KIAA1217: variants seen among roughly 807,000 people sequenced by gnomAD.
KIAA1217 encodes sickle tail protein homolog.
A neutral mutation model predicts 163.9 loss-of-function variants in KIAA1217; 88 were observed. The ratio of observed to expected loss-of-function variants is 0.54; its 90% CI spans 0.45 to 0.64. KIAA1217 has a LOEUF of 0.64. KIAA1217 is among the 30% of genes least tolerant of loss of function. The probability of loss-of-function intolerance (pLI) is 0.00; values close to 1 mark genes in which losing one functional copy is unlikely to be tolerated. For synonymous variants in KIAA1217, 903 were observed against 923.1 expected (o/e 0.98, Z 0.39); for missense variants, 2,372 against 2,475.0 (o/e 0.96, Z 0.88).
intron 10 of KIAA1217, among the ~76,000 whole-genome samples, chr10:24,519,656 T>C (rs1442423411): frequency 6.6e-6 from 1 of 152,150 alleles, no homozygotes; most frequent in East Asian, 1.9e-4. Context: ...AGCGAAGAAT[T>C]ACACAGCCCA....
At chr10:24,123,980 C>T (rs1225894183) in intron 2 of KIAA1217, among the ~76,000 whole-genome samples, 2 of 152,064 alleles carry the variant, frequency 1.3e-5, no homozygotes, top group Non-Finnish European at 1.5e-5. Flanking sequence ...TTGCAAATAT[C>T]GACCCCCAGT....
chr10:23,816,985 G>A (rs1291678848), intron 1 of KIAA1217, among the ~76,000 whole-genome samples: 3 of 152,190 alleles, frequency 2.0e-5, no homozygotes, highest in African/African-American at 4.8e-5. Flanking sequence ...CCAAGAATTT[G>A]AAATAACAAT....
rs775040272 is a variant in KIAA1217, at chr10:24,541,038, G to A, written c.3535-1655G>A. ...CCCACCTTAGCCTCCCAAAGTTCTG[G>A]GATTACAGGCATGAGCCACTACACA... On this transcript the variant is annotated intron_variant, in intron 17 of 20. Coordinates refer to ENST00000376454, the MANE Select transcript of KIAA1217 (RefSeq NM_019590.5). Among the ~76,000 whole-genome samples, 4 of 151,798 alleles carry A rather than the reference G, an allele frequency of 2.6e-5. No individual in the cohort carries two copies. The Middle Eastern group carries it at 0.01, about 387-fold the overall frequency.
intron 2 of KIAA1217, among the ~76,000 whole-genome samples, chr10:24,092,904 AGTGTGTGTGTGTGTGTGTGTGTGTT>A (rs1417809094): frequency 4.8e-5 from 7 of 145,014 alleles, no homozygotes; most frequent in African/African-American, 1.9e-4. Flanking sequence ...GTGTATGTAT[AGTGTGTGTGTGTGTGTGTGTGTGTT>A]GTGTGTGTGT....
chr10:24,226,137 C>A (rs552514242), intron 2 of KIAA1217, among the ~76,000 whole-genome samples: 99 of 152,144 alleles, frequency 6.5e-4, no homozygotes, highest in Non-Finnish European at 6.5e-4. Flanking sequence ...AATTTCCTGT[C>A]CTCAGAGGAG....
At chr10:24,121,361 C>G (rs1234960734) in intron 2 of KIAA1217, among the ~76,000 whole-genome samples, 1 of 152,188 alleles carries the variant, frequency 6.6e-6, no homozygotes, top group African/African-American at 2.4e-5. Context: ...CCATGTCATG[C>G]TTTTCTGGGC....
In KIAA1217 at chr10:24,521,903, G is replaced by A; in HGVS notation, c.2430G>A (p.Met810Ile). The A allele has an allele frequency of 2.5e-6, 4 of 1,613,000 alleles. No individual in the cohort carries two copies. The highest frequency in any genetic ancestry group is 2.2e-5 in the East Asian group (1 of 44,870). ...GTCTCCTGAAGCGTGTGCGCAGCAT[G>A]ACAGACGTCCTGACCATGCTGCGGA... ...LDSLLKRVRS[M>I]TDVLTMLRRH... The change falls in exon 12 of 21, where the codon ATG (methionine) becomes ATA (isoleucine). Residue 810 changes from methionine (M) to isoleucine (I), a missense_variant. Around this residue, in one of 3 missense-constraint regions of KIAA1217, gnomAD observed 1,431 missense variants for 1,470.3 expected, o/e 0.97. Transcript: ENST00000376454.
At chr10:24,355,514 T>C (rs1415723615) in intron 2 of KIAA1217, among the ~76,000 whole-genome samples, 1 of 151,880 alleles carries the variant, frequency 6.6e-6, no homozygotes, top group Non-Finnish European at 1.5e-5. Flanking sequence ...AGGACACTAA[T>C]CCCATCACAA....
intron 2 of KIAA1217, among the ~76,000 whole-genome samples, chr10:24,007,930 C>T (rs76573125): frequency 5.3e-5 from 8 of 152,314 alleles, no homozygotes; most frequent in Non-Finnish European, 1.2e-4. Flanking sequence ...AATCAGCCTA[C>T]ATGAGTGGCC....
intron 1 of KIAA1217, among the ~76,000 whole-genome samples, chr10:23,852,151 T>C (rs1328689622): frequency 2.0e-5 from 3 of 152,178 alleles, no homozygotes; most frequent in Non-Finnish European, 2.9e-5. Context: ...GTTTTAGGTC[T>C]AAAGTTTAAG....
At chr10:24,169,137 C>G (rs1422689869) in intron 2 of KIAA1217, among the ~76,000 whole-genome samples, 1 of 152,260 alleles carries the variant, frequency 6.6e-6, no homozygotes, top group Non-Finnish European at 1.5e-5. Flanking sequence ...AATGTTTGTG[C>G]TGTGCCCAAT....
At chr10:24,274,626 C>T (rs541089593) in intron 2 of KIAA1217, among the ~76,000 whole-genome samples, 1 of 152,094 alleles carries the variant, frequency 6.6e-6, no homozygotes, top group African/African-American at 2.4e-5. Context: ...ATTAGTGAGT[C>T]CTGAATTTAT....
At chr10:24,027,403 G>A (rs2131529299) in intron 2 of KIAA1217, among the ~76,000 whole-genome samples, 1 of 152,196 alleles carries the variant, frequency 6.6e-6, no homozygotes, top group African/African-American at 2.4e-5. Context: ...TTTCCTGGCT[G>A]TTTAAACAAG....
intron 2 of KIAA1217, among the ~76,000 whole-genome samples, chr10:24,084,744 G>A (rs1170703117): frequency 6.6e-6 from 1 of 152,022 alleles, no homozygotes; most frequent in Non-Finnish European, 1.5e-5. Context: ...TAGGTAAGGA[G>A]CAAAAAGTAA....
chr10:23,955,484 C>T (rs895224704), intron 1 of KIAA1217, among the ~76,000 whole-genome samples: 1 of 152,180 alleles, frequency 6.6e-6, no homozygotes. Context: ...TTCCATCTCA[C>T]CCTTATATTG....
intron 1 of KIAA1217, among the ~76,000 whole-genome samples, chr10:23,785,011 C>A (rs1835427292): frequency 6.6e-6 from 1 of 152,142 alleles, no homozygotes; most frequent in African/African-American, 2.4e-5. Flanking sequence ...CAACTGCTAC[C>A]AGAATGATAT....
chr10:24,253,930 A>G (rs1319020843), intron 2 of KIAA1217, among the ~76,000 whole-genome samples: 2 of 152,034 alleles, frequency 1.3e-5, no homozygotes, highest in Admixed American at 1.3e-4. Flanking sequence ...GAATATAAAA[A>G]TAATAAAAAT....
intron 2 of KIAA1217, among the ~76,000 whole-genome samples, chr10:24,263,223 A>G (rs1322922893): frequency 1.3e-5 from 2 of 152,194 alleles, no homozygotes; most frequent in Admixed American, 6.5e-5. Context: ...CTATGCATAA[A>G]CTTTCCAGTT....
At chr10:24,140,947 G>A (rs1284944860) in intron 2 of KIAA1217, among the ~76,000 whole-genome samples, 2 of 152,130 alleles carry the variant, frequency 1.3e-5, no homozygotes, top group Non-Finnish European at 2.9e-5. Context: ...TCCTGTTCTG[G>A]ATAAGAGTAA....
Sources: allele counts gnomAD v4.1 joint callset (sites outside exome capture counted in the v4.1 genomes callset), GRCh38; gene constraint gnomAD v4.1.1; regional missense constraint gnomAD v4.1.1; transcripts MANE v1.5; gene names NCBI Gene and HGNC (gene_info 2026-07-23, HGNC 2026-07-21).